The following GSPT1 variants were observed in gnomAD, a reference collection of about 807,000 sequenced individuals.
GSPT1 encodes the protein G1 to S phase transition 1.
In GSPT1, 20 loss-of-function variants were observed where a neutral mutation model predicts 72.5. The observed-to-expected ratio is 0.28, with a 90% CI of 0.19 to 0.40. The LOEUF is 0.40. Ranked by LOEUF, GSPT1 falls within the 10% of genes least tolerant of loss-of-function variation. The pLI is 1.00. For synonymous variants in GSPT1, 334 were observed against 293.5 expected, an observed-to-expected ratio of 1.14 and a Z score of -1.41; for missense variants, 580 against 811.9, an observed-to-expected ratio of 0.71 and a Z score of 3.47.
chr16:11,891,899 G>A (rs991597892), intron 5 of GSPT1, among the ~76,000 whole-genome samples: 4 of 151,756 alleles, frequency 2.6e-5, no homozygotes, highest in Non-Finnish European at 5.9e-5. Context: ...GACCTCAAGT[G>A]ATCTGCCAGC....
chr16:11,887,066 GACGTACC>G lies in GSPT1; in HGVS notation c.958-142_958-136del, dbSNP rs903773571. 4.9e-6 allele frequency: 3 copies of G among 613,992 alleles called. No individual in the cohort carries two copies. The African/African-American group carries it at 6.2e-5, about 13-fold the overall frequency. The allele number at this position is 613,992 out of a possible 1,614,324, so 38.0% of individuals were successfully genotyped here. On this transcript the variant is annotated intron_variant, in intron 7 of 14. Coordinates refer to ENST00000434724, the MANE Select transcript of GSPT1 (RefSeq NM_002094.4). ...AAGAAAATAGAAGCAAACGAGTTATGACGTACCTGCTTTTGAATGTCACAAATCAAAC... is the reference window on the plus strand; with the variant it reads ...AAGAAAATAGAAGCAAACGAGTTATGTGCTTTTGAATGTCACAAATCAAAC...
At chr16:11,880,018 T>C (rs2054102283) in intron 11 of GSPT1, among the ~76,000 whole-genome samples, 1 of 152,216 alleles carries the variant, frequency 6.6e-6, no homozygotes, top group Non-Finnish European at 1.5e-5. Context: ...ACCCGAACCC[T>C]GGCAACCACC....
At chr16:11,875,038 A>T (rs2141272138) in intron 14 of GSPT1, among the ~76,000 whole-genome samples, 1 of 152,264 alleles carries the variant, frequency 6.6e-6, no homozygotes, top group African/African-American at 2.4e-5. Context: ...AAAATACAAA[A>T]AATTAGCCAG....
In GSPT1 at chr16:11,870,479, C is replaced by T. The variant is rs763951074; in HGVS notation, c.*2640G>A. 6.6e-6 allele frequency: 1 copy of T among 152,152 alleles called. No homozygotes were observed. The highest frequency in any genetic ancestry group is 2.4e-5 in the African/African-American group (1 of 41,424). 9.4% of individuals were successfully genotyped at this position (152,152 alleles called of 1,614,324 possible). On this transcript the variant is annotated 3_prime_UTR_variant, in exon 15 of 15. Transcript: ENST00000434724. ...AGAGAACAAATGCTTAGGTAATACC[C>T]TAAATATGCAGCCAACTACCCTATT...
chr16:11,885,239 G>T lies in GSPT1; in HGVS notation c.1289C>A (p.Pro430Gln). ...TCCATCAACTGATCTATTGAAGTTC[G>T]GCAAATTATCCAGATATGGAATAAA... ...LPFIPYLDNL[P>Q]NFNRSVDGPI... Residue 430 changes from proline (P) to glutamine (Q), a missense_variant, in exon 10 of 15, where the codon CCG becomes CAG. This residue lies in a region of GSPT1 where 45 missense variants were observed against 43.0 expected (regional missense o/e 1.05). Transcript: ENST00000434724. 3 of 1,592,490 alleles carry T rather than the reference G, an allele frequency of 1.9e-6. No homozygotes were observed. Among genetic ancestry groups the T allele is most frequent in the South Asian group, 1.1e-5 (1 of 90,534 alleles).
intron 4 of GSPT1, chr16:11,895,193 G>A (rs747571031): frequency 1.6e-5 from 7 of 427,084 alleles, no homozygotes; most frequent in Admixed American, 3.6e-5. Context: ...CACTTTGGGA[G>A]GCCAGCGAGG....
intron 1 of GSPT1, among the ~76,000 whole-genome samples, chr16:11,909,290 G>A (rs1485079529): frequency 3.9e-5 from 6 of 152,092 alleles, no homozygotes; most frequent in Admixed American, 3.3e-4. Flanking sequence ...AGCCATTTAC[G>A]AAGGAGCCAT....
In GSPT1 at chr16:11,903,357, A is replaced by C. The variant is rs549309953; in HGVS notation, c.353-5322T>G. ...GAAACCCCGTCTCTACTAAAATACA[A>C]GAATTAGCCAGGGTGATGACAGGTG... On this transcript the variant is annotated intron_variant, in intron 1 of 14. Transcript: ENST00000434724. 1.2e-3 allele frequency among the ~76,000 whole-genome samples: 176 copies of C among 152,226 alleles called. 4 individuals are homozygous for C. The South Asian group carries it at 0.035, about 30-fold the overall frequency.
At chr16:11,913,564 G>T (rs1156364466) in intron 1 of GSPT1, among the ~76,000 whole-genome samples, 2 of 152,168 alleles carry the variant, frequency 1.3e-5, no homozygotes, top group African/African-American at 4.8e-5. Flanking sequence ...TCTAGACCAA[G>T]GTTGGTTATC....
intron 14 of GSPT1, among the ~76,000 whole-genome samples, chr16:11,874,958 A>G (rs529923641): frequency 1.9e-4 from 29 of 152,296 alleles, no homozygotes; most frequent in Admixed American, 5.2e-4. Context: ...TTGGGAGGCC[A>G]AGGCGGGCGG....
intron 1 of GSPT1, among the ~76,000 whole-genome samples, chr16:11,899,514 C>A (rs899273179): frequency 6.6e-6 from 1 of 151,914 alleles, no homozygotes; most frequent in Non-Finnish European, 1.5e-5. Flanking sequence ...CTACACCTGA[C>A]AGGAGTTGGG....
At chr16:11,873,401 C>T (rs933947026) in intron 14 of GSPT1, among the ~76,000 whole-genome samples, 8 of 152,086 alleles carry the variant, frequency 5.3e-5, no homozygotes, top group South Asian at 4.1e-4. Flanking sequence ...TATCTCCCCC[C>T]GTACCCCCCA....
chr16:11,887,826 T>G, intron 6 of GSPT1, 76 bp from the exon 7 acceptor site: 2 of 975,332 alleles, frequency 2.1e-6, no homozygotes, highest in Admixed American at 2.2e-5. Context: ...CCATTAAAGA[T>G]ATAATGGATG....
At chr16:11,879,941 A>T (rs2054101114) in intron 11 of GSPT1, among the ~76,000 whole-genome samples, 1 of 152,188 alleles carries the variant, frequency 6.6e-6, no homozygotes, top group South Asian at 2.1e-4. Context: ...ATACATTTAA[A>T]ATATTGTACA....
At position 11,870,131 on chromosome 16, in the gene GSPT1, C is replaced by T. The variant is rs889958527; in HGVS notation, c.*2988G>A. The T allele has an allele frequency of 4.0e-5, 6 of 150,760 alleles. No homozygotes were observed. 9.3% of individuals were successfully genotyped at this position (150,760 alleles called of 1,614,324 possible). A position where few individuals can be genotyped will look rare whatever the true frequency, so the allele number is the denominator to read the frequency against. On this transcript the variant is annotated 3_prime_UTR_variant, in exon 15 of 15. Transcript: ENST00000434724. ...ATTTTCAACTCACAAAAAAAAAATA[C>T]ATGGGCTTAATTACTCAGTAACACT...
intron 11 of GSPT1, chr16:11,881,029 G>A (rs1395667265): frequency 6.6e-6 from 1 of 152,432 alleles, no homozygotes; most frequent in African/African-American, 2.4e-5. Context: ...CTCCTGGGTA[G>A]CTAGGATTAC....
chr16:11,886,501 T>C lies in GSPT1; in HGVS notation c.1223A>G (p.Lys408Arg), dbSNP rs1294591238. Reference protein sequence around the residue: ...PCSGLTGANLKEQSDFCPWYI... With the variant: ...PCSGLTGANLREQSDFCPWYI... Reference sequence around the variant, plus strand: ...CCAAGGACAGAAATCCGACTGCTCTTTGAGATTTGCTCCAGTAAGTCCTGA... The same window carrying C: ...CCAAGGACAGAAATCCGACTGCTCTCTGAGATTTGCTCCAGTAAGTCCTGA... Residue 408 changes from lysine to arginine, a missense_variant, in exon 9 of 15, where the codon AAA becomes AGA. Physicochemically the swap from Lys to Arg is conservative, Grantham distance 26 (BLOSUM62 2). Around this residue, in one of 6 missense-constraint regions of GSPT1, gnomAD observed 45 missense variants for 43.0 expected, o/e 1.05. Coordinates refer to ENST00000434724, the MANE Select transcript of GSPT1 (RefSeq NM_002094.4). 1 of 1,613,282 alleles carries C rather than the reference T, an allele frequency of 6.2e-7. No individual in the cohort carries two copies. The highest frequency in any genetic ancestry group is 1.7e-5 in the Admixed American group (1 of 59,958).
rs1194456916 is a variant in GSPT1, at chr16:11,872,193, C to G, written c.*926G>C. ...CATGCAGCTCTATTTATAAATACTA[C>G]CAGAGGAATTTTTGCCAGGTCTCAA... On this transcript the variant is annotated 3_prime_UTR_variant, in exon 15 of 15. Transcript: ENST00000434724. The G allele has an allele frequency of 6.6e-6, 1 of 151,988 alleles. No homozygotes were observed. Among genetic ancestry groups the G allele is most frequent in the South Asian group, 2.1e-4 (1 of 4,820 alleles). The allele number at this position is 151,988 out of a possible 1,614,324, so 9.4% of individuals were successfully genotyped here. A position where few individuals can be genotyped will look rare whatever the true frequency, so the allele number is the denominator to read the frequency against.
intron 1 of GSPT1, chr16:11,908,257 C>T (rs2054512305): frequency 6.6e-6 from 1 of 151,942 alleles, no homozygotes; most frequent in South Asian, 2.1e-4. Context: ...AAAAAAGAAA[C>T]AAAAAACCAT....
Sources: allele counts gnomAD v4.1 joint callset (sites outside exome capture counted in the v4.1 genomes callset), GRCh38; gene constraint gnomAD v4.1.1; regional missense constraint gnomAD v4.1.1; transcripts MANE v1.5; gene names NCBI Gene and HGNC (gene_info 2026-07-23, HGNC 2026-07-21).